The following LINC01488 variants were observed in gnomAD, a reference collection of about 807,000 sequenced individuals.
LINC01488 encodes CCND1-upstream intergenic DNA repair 1.
intron 1 of LINC01488, among the ~76,000 whole-genome samples, chr11:69,485,354 T>C (rs553037336): frequency 6.6e-6 from 1 of 152,330 alleles, no homozygotes; most frequent in African/African-American, 2.4e-5. Flanking sequence ...TCAGGAGTTC[T>C]TGGAGTCAGG....
At chr11:69,483,008 C>T (rs191563684) in intron 1 of LINC01488, among the ~76,000 whole-genome samples, 7 of 152,256 alleles carry the variant, frequency 4.6e-5, no homozygotes, top group East Asian at 1.9e-4. Context: ...TGTTACATTC[C>T]GGGGTCCTGG....
chr11:69,484,917 C>A (rs1269632118), intron 1 of LINC01488, among the ~76,000 whole-genome samples: 1 of 152,242 alleles, frequency 6.6e-6, no homozygotes, highest in African/African-American at 2.4e-5. Flanking sequence ...GGCAGAGAAT[C>A]TTCTAGTGCA....
intron 1 of LINC01488, among the ~76,000 whole-genome samples, chr11:69,485,138 C>T (rs1396174052): frequency 6.6e-6 from 1 of 152,160 alleles, no homozygotes; most frequent in Non-Finnish European, 1.5e-5. Flanking sequence ...AGGTGCTTTG[C>T]AGGCTAAATC....
At chr11:69,489,399 G>A (rs1159603155) in intron 1 of LINC01488, among the ~76,000 whole-genome samples, 1 of 152,260 alleles carries the variant, frequency 6.6e-6, no homozygotes, top group African/African-American at 2.4e-5. Context: ...GCCCCAACAT[G>A]GGCTGAGAGG....
intron 1 of LINC01488, among the ~76,000 whole-genome samples, chr11:69,482,406 G>A (rs906813548): frequency 2.0e-5 from 3 of 152,122 alleles, no homozygotes; most frequent in East Asian, 1.9e-4. Context: ...GTAGATGGAT[G>A]GATGAATGGA....
chr11:69,484,831 A>G (rs1304479294), intron 1 of LINC01488, among the ~76,000 whole-genome samples: 1 of 152,222 alleles, frequency 6.6e-6, no homozygotes, highest in African/African-American at 2.4e-5. Context: ...TGGGCTCAGG[A>G]CCGTCTGCAG....
At chr11:69,490,649 A>G (rs10796821) in intron 2 of LINC01488, 58,552 of 152,110 alleles carry the variant, frequency 0.38, 13,221 homozygotes, top group Middle Eastern at 0.53. Flanking sequence ...GCCTGCAGAC[A>G]GAGTCCAGAC....
In LINC01488 at chr11:69,483,350, G is replaced by C. The variant is rs893623122; in HGVS notation, n.122+1567G>C. Among the ~76,000 whole-genome samples the C allele has an allele frequency of 1.1e-4, 17 of 152,308 alleles. No individual in the cohort carries two copies. The East Asian group carries it at 3.3e-3, about 29-fold the overall frequency. On this transcript the variant is annotated intron_variant and non_coding_transcript_variant, in intron 1 of 3. Transcript: ENST00000644563. ...ATTCCACTTCCTCCACTTATCAGCT[G>C]TGTGTCTTTGGGCCTCTTATTTAAC...
chr11:69,488,582 G>C (rs925030959), intron 1 of LINC01488, among the ~76,000 whole-genome samples: 1 of 152,254 alleles, frequency 6.6e-6, no homozygotes, highest in African/African-American at 2.4e-5. Context: ...GGCAGGGGCA[G>C]TTAATGGACC....
chr11:69,484,378 C>T (rs1857081639), intron 1 of LINC01488, among the ~76,000 whole-genome samples: 1 of 152,164 alleles, frequency 6.6e-6, no homozygotes. Flanking sequence ...GGGCCTGCAC[C>T]CCTGCTGTGG....
At chr11:69,483,399 T>C (rs1857066420) in intron 1 of LINC01488, among the ~76,000 whole-genome samples, 1 of 152,232 alleles carries the variant, frequency 6.6e-6, no homozygotes, top group African/African-American at 2.4e-5. Flanking sequence ...AGGTTCCTTC[T>C]CTATAAAGTA....
At chr11:69,486,656 A>G (rs1170629971) in intron 1 of LINC01488, among the ~76,000 whole-genome samples, 1 of 152,120 alleles carries the variant, frequency 6.6e-6, no homozygotes, top group Non-Finnish European at 1.5e-5. Flanking sequence ...GGATGAGGAG[A>G]GAGGGGACAG....
chr11:69,492,585 C>G (rs1857240465), exon 4 of LINC01488: 1 of 152,252 alleles, frequency 6.6e-6, no homozygotes, highest in Non-Finnish European at 1.5e-5. Flanking sequence ...CTCTGGAAGC[C>G]AGAAAGGGCA....
At chr11:69,488,651 T>C (rs1857164137) in intron 1 of LINC01488, among the ~76,000 whole-genome samples, 2 of 152,206 alleles carry the variant, frequency 1.3e-5, no homozygotes, top group Admixed American at 1.3e-4. Flanking sequence ...GCGATCACCA[T>C]GCTTGCCCAT....
At chr11:69,488,674 G>A (rs879759769) in intron 1 of LINC01488, among the ~76,000 whole-genome samples, 6 of 152,232 alleles carry the variant, frequency 3.9e-5, no homozygotes, top group African/African-American at 7.2e-5. Flanking sequence ...GAGCCCCGTC[G>A]CAGGGACACA....
chr11:69,490,951 C>T (rs1376620865), intron 2 of LINC01488: 1 of 152,168 alleles, frequency 6.6e-6, no homozygotes, highest in Non-Finnish European at 1.5e-5. Flanking sequence ...CAAGACCTCC[C>T]CCTGGAATTC....
At chr11:69,483,753 C>T (rs1857070981) in intron 1 of LINC01488, among the ~76,000 whole-genome samples, 1 of 152,152 alleles carries the variant, frequency 6.6e-6, no homozygotes, top group African/African-American at 2.4e-5. Flanking sequence ...TGCAATTGTC[C>T]CTTTTGTTTA....
chr11:69,482,781 C>T (rs1340670546), intron 1 of LINC01488, among the ~76,000 whole-genome samples: 1 of 152,222 alleles, frequency 6.6e-6, no homozygotes, highest in South Asian at 2.1e-4. Context: ...GTCCTGGAGG[C>T]TAGACGTCTG....
At chr11:69,491,985 A>C (rs1213398613) in intron 3 of LINC01488, 2 of 152,630 alleles carry the variant, frequency 1.3e-5, no homozygotes, top group East Asian at 1.9e-4. Context: ...CGTGGGGTGG[A>C]GCAGAGGGAA....
Sources: gnomAD v4.1 joint callset for allele counts (sites outside exome capture counted in the v4.1 genomes callset) on GRCh38, gnomAD v4.1.1 for gene constraint, MANE v1.5 for transcripts, NCBI Gene and HGNC (gene_info 2026-07-23, HGNC 2026-07-21) for gene names.